Variants in SNPH observed in about 807,000 individuals in gnomAD.
The protein encoded by SNPH is syntaphilin.
SNPH carries 10 observed loss-of-function variants against 36.8 expected under a neutral mutation model. That is an observed-to-expected ratio of 0.27 (90% CI 0.17 to 0.46). The LOEUF is 0.46. Among genes scored for constraint, SNPH ranks in the 20% least tolerant of loss-of-function variants. SNPH has a pLI of 1.00. For synonymous variants in SNPH, 281 were observed against 312.2 expected (o/e 0.90, Z 1.05); for missense variants, 622 against 744.0 (o/e 0.84, Z 1.91).
intron 2 of SNPH, among the ~76,000 whole-genome samples, chr20:1,282,220 A>G (rs1259223933): frequency 6.6e-6 from 1 of 152,248 alleles, no homozygotes; most frequent in African/African-American, 2.4e-5. Context: ...ATCCATTATC[A>G]GGGAACCAGC....
At position 1,304,965 on chromosome 20, in the gene SNPH, G is replaced by C. The variant is rs747052614; in HGVS notation, c.528G>C (p.Gln176His). 1.9e-6 allele frequency: 3 copies of C among 1,613,950 alleles called. No individual in the cohort carries two copies. Among genetic ancestry groups the C allele is most frequent in the Non-Finnish European group, 2.5e-6 (3 of 1,180,042 alleles). ...AGGAGTGCCACCGCGTGGAGGCCCA[G>C]CTGGCCCTGAAGGAGGCCCGAAAGG... Reference protein sequence around the residue: ...IEEECHRVEAQLALKEARKEI... With the variant: ...IEEECHRVEAHLALKEARKEI... Residue 176 changes from glutamine (Q) to histidine (H), a missense_variant, in exon 7 of 7, where the codon CAG (glutamine) becomes CAC (histidine). By Grantham distance (24) the Gln-to-His change is conservative (BLOSUM62 0). Coordinates refer to ENST00000381867, the MANE Select transcript of SNPH (RefSeq NM_001318234.2). The surrounding 1 kb of genome is among the most constrained non-coding windows in gnomAD (Gnocchi z 4.3).
Position 1,296,256 on chromosome 20 carries a change from C to A in SNPH, c.17C>A (p.Pro6His). 1 of 1,536,420 alleles carries A rather than the reference C, an allele frequency of 6.5e-7. No individual in the cohort carries two copies. Among genetic ancestry groups the A allele is most frequent in the Non-Finnish European group, 8.8e-7 (1 of 1,142,724 alleles). MPGSG[P>H]SERMTWPGPA... Reference sequence around the variant, plus strand: ...AGAGAAGCCATGCCGGGCAGCGGCCCCAGCGAGAGGATGACGTGGCCTGGC... The same window carrying A: ...AGAGAAGCCATGCCGGGCAGCGGCCACAGCGAGAGGATGACGTGGCCTGGC... The change falls in exon 4 of 7, where the codon CCC becomes CAC. Residue 6 changes from proline (P) to histidine (H), a missense_variant. By Grantham distance (77) the Pro-to-His change is moderately conservative (BLOSUM62 -2). Transcript: ENST00000381867.
At chr20:1,271,220 T>A (rs940094090) in intron 2 of SNPH, among the ~76,000 whole-genome samples, 1 of 152,218 alleles carries the variant, frequency 6.6e-6, no homozygotes, top group Admixed American at 6.5e-5. Flanking sequence ...GTTGACCCAC[T>A]GGGTGGCCTT....
At position 1,302,682 on chromosome 20, in the gene SNPH, T is replaced by C. The variant is rs115238136; in HGVS notation, c.440+1971T>C. Among the ~76,000 whole-genome samples, 1,032 of 152,382 alleles carry C rather than the reference T, an allele frequency of 6.8e-3. 10 individuals carry two copies. Among genetic ancestry groups the C allele is most frequent in the African/African-American group, 0.023 (950 of 41,588 alleles). ...TGGCAACCACTGATTTTTCTGTCTC[T>C]ATGGATTTGTCTATTCTGGACATTT... is the stretch of plus-strand genomic sequence containing the variant. On this transcript the variant is annotated intron_variant, in intron 6 of 6. Coordinates refer to ENST00000381867, the MANE Select transcript of SNPH (RefSeq NM_001318234.2).
chr20:1,274,958 G>A (rs755799886), intron 2 of SNPH, among the ~76,000 whole-genome samples: 4 of 152,272 alleles, frequency 2.6e-5, no homozygotes, highest in South Asian at 4.1e-4. Context: ...CAGAAGTGGC[G>A]GACTTTGGAC....
chr20:1,269,927 C>T (rs1037329463), intron 2 of SNPH, among the ~76,000 whole-genome samples: 9 of 152,228 alleles, frequency 5.9e-5, no homozygotes, highest in African/African-American at 1.9e-4. Context: ...GGCGAAGGGT[C>T]TTACCCAGAG....
chr20:1,295,769 C>T lies in SNPH; in HGVS notation c.-464-7C>T, dbSNP rs1354353101. On this transcript the variant is annotated splice_polypyrimidine_tract_variant and splice_region_variant and intron_variant, in intron 3 of 6. Coordinates refer to ENST00000381867, the MANE Select transcript of SNPH (RefSeq NM_001318234.2). ...TGGTACGTTGGTCTGTCTTGTCTCC[C>T]CTGTAGACGGGAAGCCCCGAACCAC... 6.2e-6 allele frequency: 1 copy of T among 161,436 alleles called. No individual in the cohort carries two copies. The highest frequency in any genetic ancestry group is 2.4e-5 in the African/African-American group (1 of 41,796). 10.0% of individuals were successfully genotyped at this position (161,436 alleles called of 1,614,324 possible). A position where few individuals can be genotyped will look rare whatever the true frequency, so the allele number is the denominator to read the frequency against.
intron 2 of SNPH, among the ~76,000 whole-genome samples, chr20:1,277,470 TG>T (rs2088146585): frequency 6.6e-6 from 1 of 151,366 alleles, no homozygotes; most frequent in African/African-American, 2.4e-5. Flanking sequence ...TGCCTGTGTG[TG>T]TGTCTGTCTG....
Position 1,266,851 on chromosome 20 carries a change from C to G in SNPH, c.-493+91C>G. The G allele has an allele frequency of 3.1e-6, 4 of 1,296,372 alleles. No individual in the cohort carries two copies. Among genetic ancestry groups the G allele is most frequent in the Non-Finnish European group, 3.9e-6 (4 of 1,022,620 alleles). The allele number at this position is 1,296,372 out of a possible 1,614,324, so 80.3% of individuals were successfully genotyped here. On this transcript the variant is annotated intron_variant, in intron 2 of 6. Transcript: ENST00000381867. The surrounding 1 kb of genome is among the most constrained non-coding windows in gnomAD (Gnocchi z 6.0). Reference sequence around the variant, plus strand: ...GCAACCGCTCGCTGCGGTAGAATCCCTTGGAGGGCACCAGCCTAAGAGGGG... The same window carrying G: ...GCAACCGCTCGCTGCGGTAGAATCCGTTGGAGGGCACCAGCCTAAGAGGGG...
At chr20:1,277,576 G>C (rs889855549) in intron 2 of SNPH, among the ~76,000 whole-genome samples, 1 of 144,180 alleles carries the variant, frequency 6.9e-6, no homozygotes, top group Admixed American at 7.0e-5. Flanking sequence ...TCGTGTGTCT[G>C]TGTGTGTGTG....
At position 1,285,478 on chromosome 20, in the gene SNPH, A is replaced by T. The variant is rs1350471436; in HGVS notation, c.-492-9473A>T. Among the ~76,000 whole-genome samples the T allele has an allele frequency of 1.3e-5, 2 of 152,250 alleles. No homozygotes were observed. Among genetic ancestry groups the T allele is most frequent in the Non-Finnish European group, 2.9e-5 (2 of 68,034 alleles). On this transcript the variant is annotated intron_variant, in intron 2 of 6. Transcript: ENST00000381867. This position sits in a 1 kb window ranked among gnomAD's most constrained non-coding sequence, Gnocchi z 4.9. ...TAACATTGAGAATAAGAATATATTC[A>T]GGCGAATAAATAATTACTGCTATTT...
chr20:1,274,925 C>T (rs2088113393), intron 2 of SNPH, among the ~76,000 whole-genome samples: 2 of 152,196 alleles, frequency 1.3e-5, no homozygotes, highest in South Asian at 4.1e-4. Flanking sequence ...TTGTAAGATT[C>T]GCCTCCCTTC....
At chr20:1,269,607 C>T (rs1276508345) in intron 2 of SNPH, among the ~76,000 whole-genome samples, 2 of 152,272 alleles carry the variant, frequency 1.3e-5, no homozygotes, top group African/African-American at 4.8e-5. Flanking sequence ...GAACAATTTA[C>T]GGTGAGAGAT....
At chr20:1,288,204 GAA>G (rs2088306958) in intron 2 of SNPH, among the ~76,000 whole-genome samples, 2 of 152,128 alleles carry the variant, frequency 1.3e-5, no homozygotes, top group Non-Finnish European at 2.9e-5. Context: ...CTGAAGAAGG[GAA>G]AAAGAGAGAT....
chr20:1,305,523 C>T lies in SNPH; in HGVS notation c.1086C>T (p.Phe362=), dbSNP rs1281711480. The change falls in exon 7 of 7, where the codon TTC becomes TTT. Residue 362 remains phenylalanine (F), a synonymous_variant. Coordinates refer to ENST00000381867, the MANE Select transcript of SNPH (RefSeq NM_001318234.2). ...CMQERAIQTD[F]VQYQPDLDTI... is the part of the protein sequence containing the mutation. ...AGGAGCGTGCCATCCAGACAGACTTCGTGCAGTACCAGCCTGACCTTGACA... is the reference window on the plus strand; with the variant it reads ...AGGAGCGTGCCATCCAGACAGACTTTGTGCAGTACCAGCCTGACCTTGACA... 34 of 1,613,072 alleles carry T rather than the reference C, an allele frequency of 2.1e-5. No individual in the cohort carries two copies. Among genetic ancestry groups the T allele is most frequent in the Admixed American group, 3.3e-5 (2 of 60,006 alleles).
intron 2 of SNPH, among the ~76,000 whole-genome samples, chr20:1,273,828 A>C (rs1236867081): frequency 1.3e-5 from 2 of 152,168 alleles, no homozygotes; most frequent in Admixed American, 6.5e-5. Context: ...CCCACTTAGC[A>C]TATGTTATCC....
In SNPH at chr20:1,266,731, G is replaced by A; in HGVS notation, c.-522G>A. ...AAGCCGGGCCGGAGTGGTGCGAGCC[G>A]GCGGGGCTGCGGAGGGCCAGTGGAC... On this transcript the variant is annotated 5_prime_UTR_variant, in exon 2 of 7. Transcript: ENST00000381867. The surrounding 1 kb of genome is among the most constrained non-coding windows in gnomAD (Gnocchi z 6.0). The A allele has an allele frequency of 7.1e-7, 1 of 1,404,506 alleles. No homozygotes were observed. Among genetic ancestry groups the A allele is most frequent in the Middle Eastern group, 2.6e-4 (1 of 3,866 alleles). 87.0% of individuals were successfully genotyped at this position (1,404,506 alleles called of 1,614,324 possible). A position where few individuals can be genotyped will look rare whatever the true frequency, so the allele number is the denominator to read the frequency against.
rs530109641 is a variant in SNPH, at chr20:1,286,077, G to A, written c.-492-8874G>A. On this transcript the variant is annotated intron_variant, in intron 2 of 6. Coordinates refer to ENST00000381867, the MANE Select transcript of SNPH (RefSeq NM_001318234.2). ...TGCACTCTAGCCTGAGCGACAGAGC[G>A]AGACTCCATCTTAAAAAAAAAAAAA... Among the ~76,000 whole-genome samples the A allele has an allele frequency of 2.1e-3, 278 of 134,510 alleles. 3 individuals carry two copies. Among genetic ancestry groups the A allele is most frequent in the Middle Eastern group, 8.3e-3 (2 of 240 alleles). 88.2% of individuals were successfully genotyped at this position (134,510 alleles called of 152,430 possible). A position where few individuals can be genotyped will look rare whatever the true frequency, so the allele number is the denominator to read the frequency against.
chr20:1,295,103 C>T (rs1334538769), intron 3 of SNPH, 125 bp downstream of exon 3: 4 of 152,662 alleles, frequency 2.6e-5, no homozygotes, highest in Non-Finnish European at 5.9e-5. Context: ...GGCTGCTGTC[C>T]TCAGTCCCTG....
Sources: gnomAD v4.1 joint callset for allele counts (sites outside exome capture counted in the v4.1 genomes callset) on GRCh38, gnomAD v4.1.1 for gene constraint, Gnocchi (gnomAD v3.1) non-coding constraint, MANE v1.5 for transcripts, NCBI Gene and HGNC (gene_info 2026-07-23, HGNC 2026-07-21) for gene names.